Variants in CSK observed in about 807,000 individuals in gnomAD.
CSK encodes tyrosine-protein kinase CSK.
CSK carries 7 observed loss-of-function variants against 62.3 expected under a neutral mutation model. The ratio of observed to expected loss-of-function variants is 0.11; its 90% CI spans 0.06 to 0.21. The LOEUF is 0.21. Among genes scored for constraint, CSK ranks in the 10% least tolerant of loss-of-function variants. The probability of loss-of-function intolerance (pLI) is 1.00; values close to 1 mark genes in which losing one functional copy is unlikely to be tolerated. For missense variants in CSK, 294 were observed against 613.5 expected, an observed-to-expected ratio of 0.48 and a Z score of 5.50; for synonymous variants, 237 against 246.0, an observed-to-expected ratio of 0.96 and a Z score of 0.34.
Position 74,801,689 on chromosome 15 carries a change from C to T in CSK, c.888-6C>T. ...CTGAGGGGACATGTGGCTGGCCTACCCCCAGAGATGTCTGCGAGGCCATGG... is the reference window on the plus strand; with the variant it reads ...CTGAGGGGACATGTGGCTGGCCTACTCCCAGAGATGTCTGCGAGGCCATGG... On this transcript the variant is annotated splice_polypyrimidine_tract_variant and splice_region_variant and intron_variant, in intron 10 of 12. Transcript: ENST00000220003. 1 of 1,611,384 alleles carries T rather than the reference C, an allele frequency of 6.2e-7. No individual in the cohort carries two copies. Among genetic ancestry groups the T allele is most frequent in the East Asian group, 2.2e-5 (1 of 44,810 alleles).
chr15:74,801,226 G>A (rs1388660713), intron 9 of CSK, 124 bp downstream of exon 9: 4 of 1,057,462 alleles, frequency 3.8e-6, no homozygotes, highest in Non-Finnish European at 5.6e-6. Flanking sequence ...CCAGGGCTGG[G>A]CTTTTGTCCT....
At chr15:74,790,501 G>A (rs557525224) in intron 1 of CSK, among the ~76,000 whole-genome samples, 2 of 152,218 alleles carry the variant, frequency 1.3e-5, no homozygotes, top group Admixed American at 1.3e-4. Context: ...TGGGCACAAT[G>A]CCAGCCTGTT....
rs1316590295 is a variant in CSK at position 74,786,042 on chromosome 15, T to TGTGTGTGTGA, written c.-66+3323_-66+3324insTGTGTGTGAG. 8.0e-3 allele frequency among the ~76,000 whole-genome samples: 914 copies of TGTGTGTGTGA among 114,678 alleles called. 13 individuals carry two copies. The highest frequency in any genetic ancestry group is 0.045 in the Middle Eastern group (9 of 198). The allele number at this position is 114,678 out of a possible 152,430, so 75.2% of individuals were successfully genotyped here. ...GTGTGTGTGTGTGTGTGTGTGTGTG[T>TGTGTGTGTGA]GAGATGGAGTTTTGCTCTTGTTGCC... On this transcript the variant is annotated intron_variant, in intron 1 of 12. Coordinates refer to ENST00000220003, the MANE Select transcript of CSK (RefSeq NM_004383.3).
Position 74,798,567 on chromosome 15 carries a change from C to T in CSK, c.16-48C>T, listed in dbSNP as rs1174158323. On this transcript the variant is annotated intron_variant, in intron 2 of 12. Coordinates refer to ENST00000220003, the MANE Select transcript of CSK (RefSeq NM_004383.3). The surrounding 1 kb of genome is among the most constrained non-coding windows in gnomAD (Gnocchi z 6.6). The stretch of plus-strand genomic sequence containing the variant: ...ACCACGAGGGTGCGCCAGCAGGTGG[C>T]TGGAGGGGGCCCAGGCTGCACCCGC... The T allele has an allele frequency of 6.4e-7, 1 of 1,550,406 alleles. No individual in the cohort carries two copies. Among genetic ancestry groups the T allele is most frequent in the Admixed American group, 1.7e-5 (1 of 58,884 alleles).
intron 1 of CSK, among the ~76,000 whole-genome samples, chr15:74,789,651 C>G (rs1489736045): frequency 1.3e-5 from 2 of 152,160 alleles, no homozygotes; most frequent in Non-Finnish European, 2.9e-5. Context: ...CCATCCTGAA[C>G]CTTCTTCAGT....
intron 1 of CSK, among the ~76,000 whole-genome samples, chr15:74,796,606 AAAAG>A (rs1297588125): frequency 6.6e-6 from 1 of 151,948 alleles, no homozygotes; most frequent in East Asian, 1.9e-4. Flanking sequence ...AAAAAAAAAA[AAAAG>A]AAAAGAAAAA....
At chr15:74,789,881 G>T (rs900337509) in intron 1 of CSK, among the ~76,000 whole-genome samples, 4 of 152,152 alleles carry the variant, frequency 2.6e-5, no homozygotes, top group African/African-American at 9.7e-5. Flanking sequence ...ACAGGAGCCG[G>T]GTCTGCATTT....
intron 1 of CSK, among the ~76,000 whole-genome samples, chr15:74,787,138 G>A (rs2063534680): frequency 6.6e-6 from 1 of 152,186 alleles, no homozygotes; most frequent in Non-Finnish European, 1.5e-5. Context: ...AGGGAGCACT[G>A]CCTCCCTTCC....
Position 74,799,080 on chromosome 15 carries a change from C to A in CSK, c.242+142C>A, listed in dbSNP as rs979119460. 5.2e-6 allele frequency: 5 copies of A among 961,926 alleles called. No homozygotes were observed. The African/African-American group carries it at 6.4e-5, about 12-fold the overall frequency. 59.6% of individuals were successfully genotyped at this position (961,926 alleles called of 1,614,324 possible). On this transcript the variant is annotated intron_variant, in intron 4 of 12. Coordinates refer to ENST00000220003, the MANE Select transcript of CSK (RefSeq NM_004383.3). Reference sequence around the variant, plus strand: ...GGAGGTGCAGGGTGCGGGTGCGGGACCTCACAGAGCAGGGCTGGGGGCAGA... The same window carrying A: ...GGAGGTGCAGGGTGCGGGTGCGGGAACTCACAGAGCAGGGCTGGGGGCAGA...
chr15:74,796,605 A>AG (rs1555465442), intron 1 of CSK, among the ~76,000 whole-genome samples: 1 of 152,070 alleles, frequency 6.6e-6, no homozygotes, highest in African/African-American at 2.4e-5. Context: ...AAAAAAAAAA[A>AG]AAAAGAAAAG....
chr15:74,799,502 G>A lies in CSK; in HGVS notation c.462+11G>A. The stretch of plus-strand genomic sequence containing the variant: ...ATGCAGCTGGTGGAGGTGAGCTGGG[G>A]GGTACAGAGCCTTGCTCCCACCCTC... On this transcript the variant is annotated intron_variant, in intron 5 of 12. Transcript: ENST00000220003. The A allele has an allele frequency of 3.1e-6, 5 of 1,610,328 alleles. No individual in the cohort carries two copies. The highest frequency in any genetic ancestry group is 4.2e-6 in the Non-Finnish European group (5 of 1,178,746).
chr15:74,784,273 C>A (rs907342048), intron 1 of CSK, among the ~76,000 whole-genome samples: 1 of 152,154 alleles, frequency 6.6e-6, no homozygotes, highest in African/African-American at 2.4e-5. Context: ...CCCAGATGTC[C>A]TGGGCCTGTG....
Position 74,800,903 on chromosome 15 carries a change from G to A in CSK, c.703G>A (p.Ala235Thr). The change falls in exon 8 of 13, where the codon GCT (alanine) becomes ACT (threonine). Residue 235 changes from alanine to threonine, a missense_variant. Physicochemically the swap from Ala to Thr is moderately conservative, Grantham distance 58. This residue lies in a region of CSK where 202 missense variants were observed against 415.7 expected (regional missense o/e 0.49). Transcript: ENST00000220003. ...CGACGCCACTGCCCAGGCCTTCCTG[G>A]CTGAAGCCTCAGTCATGACGTGAGT... is the stretch of plus-strand genomic sequence containing the variant. ...KNDATAQAFL[A>T]EASVMTQLRH... is the part of the protein sequence containing the mutation. 6.2e-7 allele frequency: 1 copy of A among 1,613,088 alleles called. No individual in the cohort carries two copies.
At position 74,786,951 on chromosome 15, in the gene CSK, A is replaced by C. The variant is rs2063531132; in HGVS notation, c.-66+4231A>C. On this transcript the variant is annotated intron_variant, in intron 1 of 12. Transcript: ENST00000220003. ...TGGTCTTAGTGTAAGGGAAGTGGGC[A>C]TGACAACTGCCCTCCTGTCCCACAG... 2.6e-5 allele frequency among the ~76,000 whole-genome samples: 4 copies of C among 152,350 alleles called. No homozygotes were observed. The South Asian group carries it at 8.3e-4, about 32-fold the overall frequency.
Position 74,799,266 on chromosome 15 carries a change from C to T in CSK, c.243-6C>T. On this transcript the variant is annotated splice_region_variant and splice_polypyrimidine_tract_variant and intron_variant, in intron 4 of 12. Coordinates refer to ENST00000220003, the MANE Select transcript of CSK (RefSeq NM_004383.3). ...CACCATGACCTCCAGCCCTGCTGCTCCCCAGTTGGTTCCACGGCAAGATCA... is the reference window on the plus strand; with the variant it reads ...CACCATGACCTCCAGCCCTGCTGCTTCCCAGTTGGTTCCACGGCAAGATCA... The T allele has an allele frequency of 6.2e-7, 1 of 1,605,276 alleles. No homozygotes were observed. The highest frequency in any genetic ancestry group is 2.2e-5 in the East Asian group (1 of 44,716).
In CSK at chr15:74,802,348, C is replaced by T. The variant is rs763289151; in HGVS notation, c.1188C>T (p.Val396=). Residue 396 remains valine, a synonymous_variant, in exon 13 of 13, where the codon GTC becomes GTT. Transcript: ENST00000220003. ...GGCCACAGCCCCTGAAGGACGTCGT[C>T]CCTCGGGTGGAGAAGGGCTACAAGA... The part of the protein sequence containing the change: ...PYPRIPLKDV[V]PRVEKGYKMD... The T allele has an allele frequency of 2.7e-5, 43 of 1,601,082 alleles. No homozygotes were observed. The highest frequency in any genetic ancestry group is 3.6e-5 in the Admixed American group (2 of 56,126).
chr15:74,801,015 A>G lies in CSK; in HGVS notation c.726A>G (p.Gln242=), dbSNP rs1389949645. ...AFLAEASVMT[Q]LRHSNLVQLL... ...GACCACTCTCGTCCTGCCCCAGGCA[A>G]CTGCGGCATAGCAACCTGGTGCAGC... Residue 242 remains glutamine (Q), a synonymous_variant, in exon 9 of 13, where the codon CAA becomes CAG. Coordinates refer to ENST00000220003, the MANE Select transcript of CSK (RefSeq NM_004383.3). 6.2e-7 allele frequency: 1 copy of G among 1,613,162 alleles called. No individual in the cohort carries two copies. Among genetic ancestry groups the G allele is most frequent in the Admixed American group, 1.7e-5 (1 of 59,990 alleles).
At chr15:74,793,387 G>GCCTCCTCCCTCCTC (rs35739285) in intron 1 of CSK, 1 of 152,866 alleles carries the variant, frequency 6.5e-6, no homozygotes, top group Non-Finnish European at 1.5e-5. Context: ...AGCTGCTTCT[G>GCCTCCTCCCTCCTC]CCTCCTCCCT....
chr15:74,795,523 TCA>T (rs2063691224), intron 1 of CSK, among the ~76,000 whole-genome samples: 1 of 152,060 alleles, frequency 6.6e-6, no homozygotes, highest in African/African-American at 2.4e-5. Flanking sequence ...TTTCTCACCC[TCA>T]GTTTCCTCAC....
Sources: gnomAD v4.1 joint callset for allele counts (sites outside exome capture counted in the v4.1 genomes callset) on GRCh38, gnomAD v4.1.1 for gene constraint, gnomAD v4.1.1 regional missense constraint, Gnocchi (gnomAD v3.1) non-coding constraint, MANE v1.5 for transcripts, NCBI Gene and HGNC (gene_info 2026-07-23, HGNC 2026-07-21) for gene names.